The following CLUL1 variants were observed in gnomAD, a reference collection of about 807,000 sequenced individuals.
The protein encoded by CLUL1 is clusterin like 1, also known as clusterin-like protein 1.
In CLUL1, 43 loss-of-function variants were observed where a neutral mutation model predicts 49.4. The ratio of observed to expected loss-of-function variants is 0.87; its 90% CI spans 0.68 to 1.12. The LOEUF (loss-of-function observed/expected upper bound fraction) is 1.12, where lower values mean the gene tolerates loss of function less well. Among genes scored for constraint, CLUL1 ranks in the 50% most tolerant of loss-of-function variants. The probability of loss-of-function intolerance (pLI) is 0.00; values close to 1 mark genes in which losing one functional copy is unlikely to be tolerated. For missense variants in CLUL1, 486 were observed against 544.4 expected (o/e 0.89, Z 1.07); for synonymous variants, 192 against 184.9 (o/e 1.04, Z -0.31).
In CLUL1 at chr18:599,654, C is replaced by T. The variant is rs568142191; in HGVS notation, c.-136+2525C>T. On this transcript the variant is annotated intron_variant, in intron 1 of 9. Coordinates refer to ENST00000692774, the MANE Select transcript of CLUL1 (RefSeq NM_001393344.1). ...AAGATAAAAATTAATAATAATTGGC[C>T]AGGTGCGGTGGTTCACGCCTGTAAT... is the stretch of plus-strand genomic sequence containing the variant. Among the ~76,000 whole-genome samples the T allele has an allele frequency of 3.3e-5, 5 of 152,126 alleles. No individual in the cohort carries two copies. The East Asian group carries it at 9.6e-4, about 29-fold the overall frequency.
intron 8 of CLUL1, among the ~76,000 whole-genome samples, chr18:643,352 C>T (rs2074394092): frequency 6.6e-6 from 1 of 152,200 alleles, no homozygotes; most frequent in African/African-American, 2.4e-5. Context: ...CCAATCCCTG[C>T]CAGCTCTCTG....
rs2073835808 is a variant in CLUL1 at position 627,233 on chromosome 18, T to C, written c.560T>C (p.Leu187Ser). Reference sequence around the variant, plus strand: ...CAAATGGAGGATGTGTTCAGCCAGTTGACTGTGGATGTGAATTCTCTCTTT... The same window carrying C: ...CAAATGGAGGATGTGTTCAGCCAGTCGACTGTGGATGTGAATTCTCTCTTT... ...LTQMEDVFSQ[L>S]TVDVNSLFNR... The change falls in exon 6 of 10, where the codon TTG (leucine) becomes TCG (serine). Residue 187 changes from leucine (L) to serine (S), a missense_variant. Leu to Ser is a moderately radical substitution (Grantham distance 145). Transcript: ENST00000692774. 6.2e-7 allele frequency: 1 copy of C among 1,613,894 alleles called. No individual in the cohort carries two copies.
Position 650,061 on chromosome 18 carries a change from T to G in CLUL1, c.*160T>G, listed in dbSNP as rs1448143890. 1 of 513,938 alleles carries G rather than the reference T, an allele frequency of 1.9e-6. No homozygotes were observed. The highest frequency in any genetic ancestry group is 3.5e-6 in the Non-Finnish European group (1 of 288,412). The allele number at this position is 513,938 out of a possible 1,614,324, so 31.8% of individuals were successfully genotyped here. ...CTTAGTTTACTTATGTTGAATGGCT[T>G]AGCTATTAATACTCAAATTGAGTTA... On this transcript the variant is annotated 3_prime_UTR_variant, in exon 10 of 10. Transcript: ENST00000692774.
At chr18:634,693 C>T (rs966371429) in intron 7 of CLUL1, among the ~76,000 whole-genome samples, 4 of 152,074 alleles carry the variant, frequency 2.6e-5, no homozygotes, top group African/African-American at 9.7e-5. Flanking sequence ...TTGGCTCTTT[C>T]CCATTGGTGG....
intron 7 of CLUL1, among the ~76,000 whole-genome samples, chr18:636,624 C>CTTTTTTTTTTTTTT (rs68150473): frequency 1.6e-5 from 2 of 122,066 alleles, no homozygotes; most frequent in Non-Finnish European, 3.3e-5. Flanking sequence ...CCCTTTCTCT[C>CTTTTTTTTTTTTTT]TTTTTTTTTT....
At chr18:626,393 G>A (rs1198333587) in intron 5 of CLUL1, among the ~76,000 whole-genome samples, 1 of 152,080 alleles carries the variant, frequency 6.6e-6, no homozygotes, top group Non-Finnish European at 1.5e-5. Flanking sequence ...TAGGCTATTG[G>A]TGGGCAATGT....
intron 9 of CLUL1, among the ~76,000 whole-genome samples, chr18:646,906 T>C (rs1185578308): frequency 6.6e-6 from 1 of 151,900 alleles, no homozygotes; most frequent in East Asian, 1.9e-4. Context: ...CACACCACCA[T>C]GCCTGGCTAA....
At chr18:632,883 G>A (rs1310272644) in intron 6 of CLUL1, among the ~76,000 whole-genome samples, 1 of 152,166 alleles carries the variant, frequency 6.6e-6, no homozygotes, top group African/African-American at 2.4e-5. Flanking sequence ...GGCCAGGGGC[G>A]GTGGCTCATG....
chr18:610,443 C>T (rs975461160), intron 2 of CLUL1, among the ~76,000 whole-genome samples: 5 of 149,530 alleles, frequency 3.3e-5, no homozygotes, highest in East Asian at 1.9e-4. Flanking sequence ...TATGGCAGGG[C>T]GAGCTTAGGG....
chr18:602,796 A>G (rs947161499), intron 1 of CLUL1, among the ~76,000 whole-genome samples: 3 of 152,200 alleles, frequency 2.0e-5, no homozygotes, highest in Admixed American at 6.5e-5. Context: ...AAGGGGAGAA[A>G]GACCTAGAAG....
At chr18:629,917 G>A (rs1397397687) in intron 6 of CLUL1, among the ~76,000 whole-genome samples, 6 of 152,080 alleles carry the variant, frequency 3.9e-5, no homozygotes, top group Non-Finnish European at 7.4e-5. Context: ...AGTTGGTGAG[G>A]AATAAGCCTA....
chr18:617,852 C>T (rs2073347673), intron 2 of CLUL1, 136 bp from the exon 3 acceptor site: 1 of 666,194 alleles, frequency 1.5e-6, no homozygotes, highest in Non-Finnish European at 2.6e-6. Flanking sequence ...GTCTCAGGCA[C>T]ATTAGCATAA....
chr18:608,086 G>A (rs992909652), intron 2 of CLUL1, among the ~76,000 whole-genome samples: 2 of 152,182 alleles, frequency 1.3e-5, no homozygotes, highest in Non-Finnish European at 2.9e-5. Flanking sequence ...ATGCATGCCA[G>A]ACTAAAGCAG....
intron 8 of CLUL1, among the ~76,000 whole-genome samples, chr18:643,866 G>C (rs111920633): frequency 0.02 from 3,011 of 152,296 alleles, 108 homozygotes; most frequent in African/African-American, 0.068. Flanking sequence ...AGGAGGTTAA[G>C]CAACTTGTCT....
At chr18:611,306 G>A (rs972530334) in intron 2 of CLUL1, among the ~76,000 whole-genome samples, 1 of 145,054 alleles carries the variant, frequency 6.9e-6, no homozygotes, top group African/African-American at 2.6e-5. Flanking sequence ...TATCCTTAAA[G>A]ACCCTCTTTC....
At chr18:600,850 C>T (rs2072807444) in intron 1 of CLUL1, among the ~76,000 whole-genome samples, 1 of 152,144 alleles carries the variant, frequency 6.6e-6, no homozygotes, top group Non-Finnish European at 1.5e-5. Flanking sequence ...CTCACTGAAG[C>T]TATATCATAA....
intron 6 of CLUL1, among the ~76,000 whole-genome samples, chr18:629,279 GA>G (rs1421210785): frequency 1.3e-5 from 2 of 152,158 alleles, no homozygotes; most frequent in Non-Finnish European, 2.9e-5. Context: ...CAGGCGAGTA[GA>G]CTAAATCTAT....
intron 2 of CLUL1, among the ~76,000 whole-genome samples, chr18:611,109 A>C (rs1180614205): frequency 2.7e-5 from 4 of 146,064 alleles, no homozygotes; most frequent in African/African-American, 5.1e-5. Flanking sequence ...TTCCTTTCCT[A>C]CTCCCCTTCC....
At chr18:644,004 C>CACCATGTAAAG (rs2074407581) in intron 8 of CLUL1, among the ~76,000 whole-genome samples, 2 of 152,194 alleles carry the variant, frequency 1.3e-5, no homozygotes, top group African/African-American at 2.4e-5. Flanking sequence ...GCTCCTATTT[C>CACCATGTAAAG]ACCATGTAAA....
Sources: gnomAD v4.1 joint callset for allele counts (sites outside exome capture counted in the v4.1 genomes callset) on GRCh38, gnomAD v4.1.1 for gene constraint, MANE v1.5 for transcripts, NCBI Gene and HGNC (gene_info 2026-07-23, HGNC 2026-07-21) for gene names.